Variants in ODAD2 observed in about 807,000 individuals in gnomAD.
The protein encoded by ODAD2 is outer dynein arm docking complex subunit 2, also known as outer dynein arm-docking complex subunit 2.
ODAD2 carries 89 observed loss-of-function variants against 106.8 expected under a neutral mutation model. The ratio of observed to expected loss-of-function variants is 0.83; its 90% CI spans 0.70 to 0.99. ODAD2 has a LOEUF of 0.99. Among genes scored for constraint, ODAD2 ranks in the 50% least tolerant of loss-of-function variants. The probability of loss-of-function intolerance (pLI) is 0.00; values close to 1 mark genes in which losing one functional copy is unlikely to be tolerated. For missense variants in ODAD2, 1,168 were observed against 1,238.5 expected (o/e 0.94, Z 0.85); for synonymous variants, 404 against 436.2 (o/e 0.93, Z 0.92).
chr10:27,931,374 A>C (rs1845607782), intron 16 of ODAD2, among the ~76,000 whole-genome samples: 1 of 152,144 alleles, frequency 6.6e-6, no homozygotes, highest in Non-Finnish European at 1.5e-5. Context: ...GCCATTAACC[A>C]GAAGTCAAGC....
At chr10:27,824,478 C>T (rs1358722183) in intron 19 of ODAD2, among the ~76,000 whole-genome samples, 1 of 152,158 alleles carries the variant, frequency 6.6e-6, no homozygotes, top group East Asian at 1.9e-4. Flanking sequence ...ATGGAATGAC[C>T]CTTGACAGAT....
intron 9 of ODAD2, among the ~76,000 whole-genome samples, chr10:27,967,138 A>G (rs1332255826): frequency 6.6e-6 from 1 of 151,872 alleles, no homozygotes; most frequent in African/African-American, 2.4e-5. Flanking sequence ...TTTAGACAAC[A>G]AATGATCTAT....
At chr10:27,939,449 C>T (rs928586102) in intron 14 of ODAD2, among the ~76,000 whole-genome samples, 1 of 152,126 alleles carries the variant, frequency 6.6e-6, no homozygotes. Context: ...GGCACGGTGG[C>T]TTATGCCTGT....
intron 17 of ODAD2, among the ~76,000 whole-genome samples, chr10:27,882,213 GAAAGAAAGA>G (rs1841779230): frequency 6.6e-6 from 1 of 151,064 alleles, no homozygotes; most frequent in African/African-American, 2.4e-5. Context: ...AAGAAAGAAA[GAAAGAAAGA>G]AAGAAAGAAA....
intron 9 of ODAD2, among the ~76,000 whole-genome samples, chr10:27,962,492 T>A (rs1194872324): frequency 2.0e-5 from 3 of 152,136 alleles, no homozygotes; most frequent in African/African-American, 7.2e-5. Flanking sequence ...ATTCAGCACA[T>A]CCCTCCATAA....
chr10:27,926,279 A>C (rs1845256122), intron 16 of ODAD2, among the ~76,000 whole-genome samples: 1 of 152,142 alleles, frequency 6.6e-6, no homozygotes, highest in Admixed American at 6.6e-5. Flanking sequence ...GAGAATTAAC[A>C]ATAAAAGGAA....
At chr10:27,920,241 T>A (rs1469181013) in intron 16 of ODAD2, among the ~76,000 whole-genome samples, 1 of 152,222 alleles carries the variant, frequency 6.6e-6, no homozygotes, top group Non-Finnish European at 1.5e-5. Flanking sequence ...AATAATTTAC[T>A]AATGTGTTAA....
Position 27,984,206 on chromosome 10 carries a change from C to T in ODAD2, c.660G>A (p.Leu220=). 6.2e-7 allele frequency: 1 copy of T among 1,612,996 alleles called. No homozygotes were observed. The highest frequency in any genetic ancestry group is 1.1e-5 in the South Asian group (1 of 91,036). ...AACCTGAGGTATATTCAATAGATTC[C>T]AAGACTGTTTGGTTTCCTTTTCCTG... The part of the protein sequence containing the change: ...RFSGKGNQTV[L]ESIEYTSDYE... The change falls in exon 5 of 20, where the codon TTG becomes TTA. Residue 220 remains leucine, a synonymous_variant. Transcript: ENST00000305242.
At chr10:27,974,842 T>A (rs1451830503) in intron 7 of ODAD2, among the ~76,000 whole-genome samples, 3 of 152,212 alleles carry the variant, frequency 2.0e-5, no homozygotes, top group Non-Finnish European at 4.4e-5. Flanking sequence ...GTATGGCCAT[T>A]TGAGTGATAT....
At chr10:27,899,844 C>T (rs1843080533) in intron 17 of ODAD2, among the ~76,000 whole-genome samples, 1 of 152,172 alleles carries the variant, frequency 6.6e-6, no homozygotes, top group African/African-American at 2.4e-5. Context: ...CTCCCATCTC[C>T]CTGGGACAGA....
At chr10:27,895,210 G>T (rs1842787831) in intron 17 of ODAD2, among the ~76,000 whole-genome samples, 1 of 152,084 alleles carries the variant, frequency 6.6e-6, no homozygotes, top group African/African-American at 2.4e-5. Context: ...ATAGCAGATG[G>T]CTTACAAAAA....
At position 27,985,225 on chromosome 10, in the gene ODAD2, A is replaced by G. The variant is rs758495408; in HGVS notation, c.383-14T>C. ...GGTCTCTGTTAGCTGCCAAAAAAAA[A>G]AAAAAGGAGACAAATAAAAATTATC... On this transcript the variant is annotated splice_polypyrimidine_tract_variant and intron_variant, in intron 3 of 19. Coordinates refer to ENST00000305242, the MANE Select transcript of ODAD2 (RefSeq NM_018076.5). The G allele has an allele frequency of 1.7e-5, 25 of 1,501,182 alleles. No homozygotes were observed. The Admixed American group carries it at 5.9e-4, about 35-fold the overall frequency. The allele number at this position is 1,501,182 out of a possible 1,614,324, so 93.0% of individuals were successfully genotyped here. A position where few individuals can be genotyped will look rare whatever the true frequency, so the allele number is the denominator to read the frequency against.
intron 19 of ODAD2, among the ~76,000 whole-genome samples, chr10:27,847,208 C>G (rs1838842758): frequency 6.6e-6 from 1 of 152,156 alleles, no homozygotes; most frequent in Non-Finnish European, 1.5e-5. Flanking sequence ...AGCAGCAACT[C>G]AAAAAGCTTA....
intron 19 of ODAD2, among the ~76,000 whole-genome samples, chr10:27,841,402 A>AT (rs1838295372): frequency 6.7e-6 from 1 of 150,368 alleles, no homozygotes; most frequent in African/African-American, 2.5e-5. Flanking sequence ...CTTTTTTCTT[A>AT]TTTTTATTTT....
chr10:27,855,171 A>G (rs1428957325), intron 19 of ODAD2, among the ~76,000 whole-genome samples: 1 of 152,196 alleles, frequency 6.6e-6, no homozygotes, highest in African/African-American at 2.4e-5. Flanking sequence ...TATGTCAATT[A>G]TTCCTTAAAG....
intron 16 of ODAD2, among the ~76,000 whole-genome samples, chr10:27,911,520 A>G (rs1309906930): frequency 6.6e-6 from 1 of 152,186 alleles, no homozygotes; most frequent in Non-Finnish European, 1.5e-5. Context: ...TCTGTAATAA[A>G]TGCTGCAATA....
At chr10:27,880,734 C>A (rs1418085866) in intron 17 of ODAD2, among the ~76,000 whole-genome samples, 1 of 152,186 alleles carries the variant, frequency 6.6e-6, no homozygotes, top group Non-Finnish European at 1.5e-5. Flanking sequence ...CACCAGACAC[C>A]AATGCCAGTG....
In ODAD2 at chr10:27,940,581, C is replaced by A; in HGVS notation, c.1968G>T (p.Leu656Phe). Residue 656 changes from leucine to phenylalanine, a missense_variant, in exon 13 of 20, where the codon TTG becomes TTT. Physicochemically the swap from Leu to Phe is conservative, Grantham distance 22 (BLOSUM62 0). This residue lies in a region of ODAD2 where 701 missense variants were observed against 712.3 expected (regional missense o/e 0.98). Coordinates refer to ENST00000305242, the MANE Select transcript of ODAD2 (RefSeq NM_018076.5). ...ENMLIPVVGT[L>F]QECASEENYR... The stretch of plus-strand genomic sequence containing the variant: ...TGAGTACCTCTGATGCACACTCTTG[C>A]AATGTCCCCACCACTGGAATTAGCA... 1 of 1,614,060 alleles carries A rather than the reference C, an allele frequency of 6.2e-7. No homozygotes were observed. The highest frequency in any genetic ancestry group is 1.1e-5 in the South Asian group (1 of 91,068).
rs1848835798 is a variant in ODAD2, at chr10:27,971,200, T to C, written c.1050A>G (p.Ser350=). 1.2e-6 allele frequency: 2 copies of C among 1,614,022 alleles called. No individual in the cohort carries two copies. Among genetic ancestry groups the C allele is most frequent in the Admixed American group, 1.7e-5 (1 of 60,004 alleles). Residue 350 remains serine (S), a synonymous_variant, in exon 8 of 20, where the codon TCA becomes TCG. Coordinates refer to ENST00000305242, the MANE Select transcript of ODAD2 (RefSeq NM_018076.5). ...AAAAATTAATTTGGTTCTTCTCCAG[T>C]GACCTTTTGTCTGAACCAGAAATGT... The part of the protein sequence containing the change: ...RKDISGSDKR[S]LEKNQINFWR...
Sources: gnomAD v4.1 joint callset for allele counts (sites outside exome capture counted in the v4.1 genomes callset) on GRCh38, gnomAD v4.1.1 for gene constraint, gnomAD v4.1.1 regional missense constraint, MANE v1.5 for transcripts, NCBI Gene and HGNC (gene_info 2026-07-23, HGNC 2026-07-21) for gene names.